Variants in EPHA4 observed in about 807,000 individuals in gnomAD.
EPHA4 encodes EPH receptor A4.
EPHA4 carries 19 observed loss-of-function variants against 108.3 expected under a neutral mutation model. The observed-to-expected ratio is 0.18, with a 90% CI of 0.12 to 0.26. The LOEUF (loss-of-function observed/expected upper bound fraction) is 0.26, where lower values mean the gene tolerates loss of function less well. EPHA4 is among the 10% of genes least tolerant of loss of function. The probability of loss-of-function intolerance (pLI) is 1.00; values close to 1 mark genes in which losing one functional copy is unlikely to be tolerated. For synonymous variants in EPHA4, 449 were observed against 455.5 expected, an observed-to-expected ratio of 0.99 and a Z score of 0.18; for missense variants, 917 against 1,254.0, an observed-to-expected ratio of 0.73 and a Z score of 4.06.
Position 221,571,210 on chromosome 2 carries a change from TGCAG to T in EPHA4, c.91+944_91+947del, listed in dbSNP as rs1694825297. Among the ~76,000 whole-genome samples the T allele has an allele frequency of 6.8e-6, 1 of 147,420 alleles. No homozygotes were observed. The highest frequency in any genetic ancestry group is 6.7e-5 in the Admixed American group (1 of 14,858). ...CGCAGACATGCACACACACCACACA[TGCAG>T]ACATGCACACACACGCAGACATGCA... On this transcript the variant is annotated intron_variant, in intron 1 of 17. Transcript: ENST00000281821. This position sits in a 1 kb window ranked among gnomAD's most constrained non-coding sequence, Gnocchi z 6.3.
At chr2:221,521,702 C>G (rs989448752) in intron 3 of EPHA4, among the ~76,000 whole-genome samples, 3 of 152,120 alleles carry the variant, frequency 2.0e-5, no homozygotes, top group Admixed American at 2.0e-4. Flanking sequence ...AAGCCAGGAG[C>G]AATGACTCAC....
chr2:221,541,490 G>A (rs964499103), intron 3 of EPHA4, among the ~76,000 whole-genome samples: 2 of 152,164 alleles, frequency 1.3e-5, no homozygotes, highest in Non-Finnish European at 2.9e-5. Flanking sequence ...AGTTACAGCC[G>A]AAGGTGCCAG....
chr2:221,524,955 C>T (rs1559279016), intron 3 of EPHA4, among the ~76,000 whole-genome samples: 1 of 152,000 alleles, frequency 6.6e-6, no homozygotes, highest in Non-Finnish European at 1.5e-5. Flanking sequence ...CAAAAGTATC[C>T]TATTGTCTTA....
intron 8 of EPHA4, among the ~76,000 whole-genome samples, chr2:221,455,194 G>C (rs1434544165): frequency 3.3e-5 from 5 of 152,262 alleles, no homozygotes; most frequent in Admixed American, 6.5e-5. Context: ...CTCAAAATTG[G>C]GGCCCAAGTT....
chr2:221,492,119 T>C (rs1455866696), intron 4 of EPHA4, among the ~76,000 whole-genome samples: 4 of 152,198 alleles, frequency 2.6e-5, no homozygotes, highest in Non-Finnish European at 4.4e-5. Flanking sequence ...CTTCCATGCA[T>C]AGTGTCAAAA....
chr2:221,490,051 T>G (rs935325980), intron 4 of EPHA4, among the ~76,000 whole-genome samples: 2 of 147,574 alleles, frequency 1.4e-5, no homozygotes, highest in Non-Finnish European at 3.0e-5. Context: ...GAAGCTGAGG[T>G]GGGAGGATTG....
intron 15 of EPHA4, among the ~76,000 whole-genome samples, 173 bp downstream of exon 15, chr2:221,429,785 A>G (rs1461976881): frequency 6.6e-6 from 1 of 152,152 alleles, no homozygotes; most frequent in Non-Finnish European, 1.5e-5. Context: ...AGTTATTCAA[A>G]ATGCTGAATA....
At chr2:221,440,576 C>T (rs191048638) in intron 11 of EPHA4, among the ~76,000 whole-genome samples, 11 of 149,662 alleles carry the variant, frequency 7.3e-5, no homozygotes, top group South Asian at 2.1e-4. Context: ...TCACCTTATG[C>T]GGAAAATTAT....
chr2:221,541,918 T>C (rs1239151757), intron 3 of EPHA4, among the ~76,000 whole-genome samples: 1 of 152,234 alleles, frequency 6.6e-6, no homozygotes, highest in Admixed American at 6.5e-5. Flanking sequence ...CCAAATGTTC[T>C]ACAATAAACA....
chr2:221,569,142 T>G lies in EPHA4; in HGVS notation c.92-357A>C, dbSNP rs375831855. On this transcript the variant is annotated intron_variant, in intron 1 of 17. Coordinates refer to ENST00000281821, the MANE Select transcript of EPHA4 (RefSeq NM_004438.5). ...AGCAAAATCTGCATTCATCTCTGTC[T>G]GGTATCTACTAGAATTATTTGTTTT... Among the ~76,000 whole-genome samples the G allele has an allele frequency of 7.9e-5, 12 of 152,326 alleles. No homozygotes were observed. In the East Asian group the frequency reaches 1.7e-3, roughly 22 times the overall value.
chr2:221,528,697 T>A (rs1209736122), intron 3 of EPHA4, among the ~76,000 whole-genome samples: 2 of 152,190 alleles, frequency 1.3e-5, no homozygotes. Context: ...GAGCAGAAAC[T>A]GGCTTTTCTG....
rs578192888 is a variant in EPHA4, at chr2:221,425,862, C to G, written c.*166G>C. On this transcript the variant is annotated 3_prime_UTR_variant, in exon 17 of 18. Coordinates refer to ENST00000281821, the MANE Select transcript of EPHA4 (RefSeq NM_004438.5). ...CCGGCAGTCATTTCTGTAAGCCCCA[C>G]AGTTTCAGCAATCTGTGCACCAAGC... 1.9e-4 allele frequency: 120 copies of G among 629,610 alleles called. No homozygotes were observed. Among genetic ancestry groups the G allele is most frequent in the African/African-American group, 1.9e-3 (103 of 54,550 alleles). The allele number at this position is 629,610 out of a possible 1,614,324, so 39.0% of individuals were successfully genotyped here.
At chr2:221,438,696 A>G (rs1690323371) in intron 11 of EPHA4, among the ~76,000 whole-genome samples, 2 of 152,076 alleles carry the variant, frequency 1.3e-5, no homozygotes, top group Admixed American at 6.6e-5. Context: ...GAGACAAGAG[A>G]ATCACTTGAG....
intron 3 of EPHA4, chr2:221,532,958 T>G (rs1465012711): frequency 1.3e-5 from 2 of 152,220 alleles, no homozygotes; most frequent in Non-Finnish European, 2.9e-5. Flanking sequence ...AGACTTGGCC[T>G]TCTGTAGGGG....
At chr2:221,488,966 C>G (rs1406066229) in intron 4 of EPHA4, among the ~76,000 whole-genome samples, 2 of 152,176 alleles carry the variant, frequency 1.3e-5, no homozygotes, top group Non-Finnish European at 2.9e-5. Flanking sequence ...TGGCTTATGT[C>G]AAGATTTAAA....
At chr2:221,437,859 G>C (rs528235554) in intron 11 of EPHA4, among the ~76,000 whole-genome samples, 1 of 151,822 alleles carries the variant, frequency 6.6e-6, no homozygotes, top group Non-Finnish European at 1.5e-5. Context: ...GGAGGCCAAG[G>C]TTGTAGTGAG....
At chr2:221,426,248 A>G (rs1689905789) in intron 16 of EPHA4, 106 bp from the exon 17 acceptor site, 3 of 1,107,804 alleles carry the variant, frequency 2.7e-6, no homozygotes, top group Admixed American at 1.9e-5. Flanking sequence ...CAATTAATAC[A>G]GCACAACAAG....
intron 3 of EPHA4, among the ~76,000 whole-genome samples, chr2:221,533,987 G>T (rs1693594082): frequency 6.6e-6 from 1 of 152,126 alleles, no homozygotes; most frequent in Non-Finnish European, 1.5e-5. Context: ...CACTCCATGT[G>T]CTTCACACTT....
At chr2:221,498,920 AG>A (rs1692389377) in intron 4 of EPHA4, among the ~76,000 whole-genome samples, 1 of 151,106 alleles carries the variant, frequency 6.6e-6, no homozygotes, top group Non-Finnish European at 1.5e-5. Flanking sequence ...CCTCCTGAGC[AG>A]CTGGGATTAC....
Sources: gnomAD v4.1 joint callset for allele counts (sites outside exome capture counted in the v4.1 genomes callset) on GRCh38, gnomAD v4.1.1 for gene constraint, Gnocchi (gnomAD v3.1) non-coding constraint, MANE v1.5 for transcripts, NCBI Gene and HGNC (gene_info 2026-07-23, HGNC 2026-07-21) for gene names.